The following ERCC6L variants were observed in gnomAD, a reference collection of about 807,000 sequenced individuals.
ERCC6L encodes ERCC excision repair 6 like, spindle assembly checkpoint helicase.
In ERCC6L, 7 loss-of-function variants were observed where a neutral mutation model predicts 20.1. That is an observed-to-expected ratio of 0.35 (90% CI 0.20 to 0.65). ERCC6L has a LOEUF of 0.65. Ranked by LOEUF, ERCC6L falls within the 30% of genes least tolerant of loss-of-function variation. ERCC6L has a pLI of 0.69. For missense variants in ERCC6L, 592 were observed against 892.4 expected (o/e 0.66, Z 4.29); for synonymous variants, 278 against 331.3 (o/e 0.84, Z 1.75).
At chrX:72,214,880 A>C (rs2042879029) in intron 1 of ERCC6L, among the ~76,000 whole-genome samples, 2 of 108,745 alleles carry the variant, frequency 1.8e-5, no homozygotes, top group Non-Finnish European at 3.8e-5. Context: ...CTAGCTACTT[A>C]GGAGGCTGAG....
chrX:72,234,163 C>T (rs1047880418), intron 1 of ERCC6L, among the ~76,000 whole-genome samples: 7 of 111,301 alleles, frequency 6.3e-5, no homozygotes, highest in South Asian at 3.7e-4. Context: ...AGTATTTCAG[C>T]GTGAAATGTC....
At position 72,206,658 on chromosome X, in the gene ERCC6L, T is replaced by C. The variant is rs2042822576; in HGVS notation, c.2109A>G (p.Lys703=). The change falls in exon 2 of 2, where the codon AAA becomes AAG. Residue 703 remains lysine (K), a synonymous_variant. Transcript: ENST00000334463. The part of the protein sequence containing the change: ...ESHYIQQRVQ[K]AQFLVEFESQ... The stretch of plus-strand genomic sequence containing the variant: ...ACTCGAATTCAACGAGGAATTGAGC[T>C]TTCTGAACCCTTTGTTGAATATAGT... 1.7e-6 allele frequency: 2 copies of C among 1,211,847 alleles called. No homozygotes were observed. Among genetic ancestry groups the C allele is most frequent in the Non-Finnish European group, 2.2e-6 (2 of 895,480 alleles).
chrX:72,205,261 G>C lies in ERCC6L; in HGVS notation c.3506C>G (p.Ala1169Gly). The change falls in exon 2 of 2, where the codon GCT becomes GGT. Residue 1169 changes from alanine to glycine, a missense_variant. By Grantham distance (60) the Ala-to-Gly change is moderately conservative. Around this residue, in one of 3 missense-constraint regions of ERCC6L, gnomAD observed 352 missense variants for 402.6 expected, o/e 0.87. Coordinates refer to ENST00000334463, the MANE Select transcript of ERCC6L (RefSeq NM_017669.4). ...AGGGGCACCAAGAGAGGTCTCTTGA[G>C]CTAGAGCACTAGGCTTAGACGTCAT... ...WLMTSKPSAL[A>G]QETSLGAPEP... The C allele has an allele frequency of 8.3e-7, 1 of 1,211,875 alleles. No homozygotes were observed. Among genetic ancestry groups the C allele is most frequent in the Non-Finnish European group, 1.1e-6 (1 of 895,463 alleles).
At chrX:72,237,527 G>A (rs1244345768) in intron 1 of ERCC6L, among the ~76,000 whole-genome samples, 1 of 109,859 alleles carries the variant, frequency 9.1e-6, no homozygotes, top group Non-Finnish European at 1.9e-5. Flanking sequence ...GAACCCGGAA[G>A]GCGGAGCTTG....
At chrX:72,219,681 CTACTAAAAA>C (rs2042910731) in intron 1 of ERCC6L, among the ~76,000 whole-genome samples, 2 of 108,882 alleles carry the variant, frequency 1.8e-5, no homozygotes, top group Non-Finnish European at 3.8e-5. Flanking sequence ...AGCCCCGCCT[CTACTAAAAA>C]TACAAAAAAA....
At position 72,205,412 on chromosome X, in the gene ERCC6L, C is replaced by T; in HGVS notation, c.3355G>A (p.Glu1119Lys). 1 of 1,212,062 alleles carries T rather than the reference C, an allele frequency of 8.3e-7. No individual in the cohort carries two copies. ...GGATAATCTTCAGGACCCTTTGCTT[C>T]ACTGCTGTCGTCAAGTCTTTCCTCC... ...DMEERLDDSS[E>K]AKGPEDYPEE... The change falls in exon 2 of 2, where the codon GAA (glutamate) becomes AAA (lysine). Residue 1119 changes from glutamate (E) to lysine (K), a missense_variant. Around this residue, in one of 3 missense-constraint regions of ERCC6L, gnomAD observed 352 missense variants for 402.6 expected, o/e 0.87. Coordinates refer to ENST00000334463, the MANE Select transcript of ERCC6L (RefSeq NM_017669.4).
chrX:72,231,829 T>C, intron 1 of ERCC6L, among the ~76,000 whole-genome samples: 1 of 112,119 alleles, frequency 8.9e-6, no homozygotes, highest in Non-Finnish European at 1.9e-5. Flanking sequence ...GTGATGGATA[T>C]GTTAATTAGC....
chrX:72,214,425 G>A lies in ERCC6L; in HGVS notation c.69-5727C>T, dbSNP rs1389904837. On this transcript the variant is annotated intron_variant, in intron 1 of 1. Transcript: ENST00000334463. ...TAGCCAAAAACTGGAAACAACCCCA[G>A]CACTTTGGGAGGCCGAGGCGGTTGG... Among the ~76,000 whole-genome samples, 3 of 111,781 alleles carry A rather than the reference G, an allele frequency of 2.7e-5. No individual in the cohort carries two copies. In the East Asian group the frequency reaches 8.4e-4, roughly 31 times the overall value.
chrX:72,228,677 A>G (rs190962288), intron 1 of ERCC6L, among the ~76,000 whole-genome samples: 49 of 111,397 alleles, frequency 4.4e-4, no homozygotes, highest in African/African-American at 1.5e-3. Flanking sequence ...TTACTGTTCT[A>G]TGGGACCTAT....
At chrX:72,237,381 G>A (rs1305576523) in intron 1 of ERCC6L, among the ~76,000 whole-genome samples, 2 of 110,320 alleles carry the variant, frequency 1.8e-5, no homozygotes, top group Non-Finnish European at 3.8e-5. Flanking sequence ...GGCGGATCAC[G>A]AGGTCAGGAG....
At chrX:72,223,004 C>T (rs1205405722) in intron 1 of ERCC6L, among the ~76,000 whole-genome samples, 1 of 108,614 alleles carries the variant, frequency 9.2e-6, no homozygotes, top group Non-Finnish European at 1.9e-5. Context: ...CAATTTATTT[C>T]CCAATCTGCC....
chrX:72,215,492 T>TA (rs1163013288), intron 1 of ERCC6L, among the ~76,000 whole-genome samples: 3 of 111,732 alleles, frequency 2.7e-5, no homozygotes, highest in African/African-American at 9.8e-5. Context: ...AAATGTATCC[T>TA]AAAAAAAGAA....
chrX:72,224,795 C>A (rs1362267052), intron 1 of ERCC6L, among the ~76,000 whole-genome samples: 1 of 111,034 alleles, frequency 9.0e-6, no homozygotes, highest in African/African-American at 3.3e-5. Flanking sequence ...CCAGGTAAAT[C>A]CTATAGTATG....
In ERCC6L at chrX:72,213,703, C is replaced by T. The variant is rs191360370; in HGVS notation, c.69-5005G>A. On this transcript the variant is annotated intron_variant, in intron 1 of 1. Transcript: ENST00000334463. ...TCCTGCATGGCTAAGTGCCCGGGTTCGTCCTAATCCAGCTGAACACTAGTT... is the reference window on the plus strand; with the variant it reads ...TCCTGCATGGCTAAGTGCCCGGGTTTGTCCTAATCCAGCTGAACACTAGTT... 3.6e-3 allele frequency among the ~76,000 whole-genome samples: 400 copies of T among 112,155 alleles called. 2 individuals are homozygous for T. The highest frequency in any genetic ancestry group is 0.012 in the African/African-American group (380 of 30,888).
At chrX:72,228,179 T>C (rs1210493684) in intron 1 of ERCC6L, among the ~76,000 whole-genome samples, 1 of 112,359 alleles carries the variant, frequency 8.9e-6, no homozygotes, top group Non-Finnish European at 1.9e-5. Flanking sequence ...CGTCAGTTTA[T>C]AAATGACCCT....
intron 1 of ERCC6L, among the ~76,000 whole-genome samples, chrX:72,231,020 C>G (rs2042980283): frequency 9.0e-6 from 1 of 111,569 alleles, no homozygotes; most frequent in Non-Finnish European, 1.9e-5. Flanking sequence ...TGCAGAGGTT[C>G]CTCAAAAAAC....
Position 72,205,642 on chromosome X carries a change from C to T in ERCC6L, c.3125G>A (p.Ser1042Asn), listed in dbSNP as rs1253607709. ...GAGAGATGTGTTGAATGGATTTATG[C>T]TTGAGGTATCTTTAAAAGAATCATC... ...DEDDSFKDTS[S>N]INPFNTSLFQ... The change falls in exon 2 of 2, where the codon AGC (serine) becomes AAC (asparagine). Residue 1042 changes from serine to asparagine, a missense_variant. Around this residue, in one of 3 missense-constraint regions of ERCC6L, gnomAD observed 352 missense variants for 402.6 expected, o/e 0.87. Coordinates refer to ENST00000334463, the MANE Select transcript of ERCC6L (RefSeq NM_017669.4). 3.3e-6 allele frequency: 4 copies of T among 1,211,681 alleles called. No homozygotes were observed. Among genetic ancestry groups the T allele is most frequent in the South Asian group, 3.5e-5 (2 of 57,002 alleles).
In ERCC6L at chrX:72,205,700, C is replaced by A; in HGVS notation, c.3067G>T (p.Ala1023Ser). ...TCGCCATCTGAAACAATCCTTCTAG[C>A]TTTACTTCTGATTTTTGCTTTAACT... ...VVVKAKIRSK[A>S]RRIVSDGEDE... The change falls in exon 2 of 2, where the codon GCT becomes TCT. Residue 1023 changes from alanine to serine, a missense_variant. Ala to Ser is a moderately conservative substitution (Grantham distance 99, BLOSUM62 1). Around this residue, in one of 3 missense-constraint regions of ERCC6L, gnomAD observed 352 missense variants for 402.6 expected, o/e 0.87. Transcript: ENST00000334463. 8.3e-7 allele frequency: 1 copy of A among 1,211,850 alleles called. No individual in the cohort carries two copies. The highest frequency in any genetic ancestry group is 1.1e-6 in the Non-Finnish European group (1 of 895,520).
At chrX:72,217,880 G>A (rs777895489) in intron 1 of ERCC6L, among the ~76,000 whole-genome samples, 60 of 112,030 alleles carry the variant, frequency 5.4e-4, no homozygotes, top group Middle Eastern at 4.6e-3. Context: ...ACTTATGCAA[G>A]TACCACACTG....
Sources: gnomAD v4.1 joint callset for allele counts (sites outside exome capture counted in the v4.1 genomes callset) on GRCh38, gnomAD v4.1.1 for gene constraint, gnomAD v4.1.1 regional missense constraint, MANE v1.5 for transcripts, NCBI Gene and HGNC (gene_info 2026-07-23, HGNC 2026-07-21) for gene names.